Variants in FBXW11 observed in about 807,000 individuals in gnomAD.
FBXW11 encodes F-box and WD repeat domain containing 11.
In FBXW11, 19 loss-of-function variants were observed where a neutral mutation model predicts 77.6. The observed-to-expected ratio is 0.24, with a 90% CI of 0.17 to 0.36. The LOEUF is 0.36. Ranked by LOEUF, FBXW11 falls within the 10% of genes least tolerant of loss-of-function variation. FBXW11 has a pLI of 1.00. For missense variants in FBXW11, 334 were observed against 704.2 expected (o/e 0.47, Z 5.95); for synonymous variants, 235 against 249.4 (o/e 0.94, Z 0.54).
Position 171,878,899 on chromosome 5 carries a change from C to T in FBXW11, c.853-770G>A, listed in dbSNP as rs568119872. Among the ~76,000 whole-genome samples the T allele has an allele frequency of 6.6e-5, 10 of 152,094 alleles. No homozygotes were observed. The East Asian group carries it at 7.7e-4, about 12-fold the overall frequency. ...GAGGTTTTACAAATGCATACCCCTA[C>T]GTTTACAAAAACAAAAAGTGGAAAA... is the stretch of plus-strand genomic sequence containing the variant. On this transcript the variant is annotated intron_variant, in intron 7 of 13. Transcript: ENST00000517395.
At chr5:171,908,099 C>A (rs1760647499) in intron 4 of FBXW11, among the ~76,000 whole-genome samples, 1 of 151,986 alleles carries the variant, frequency 6.6e-6, no homozygotes, top group Admixed American at 6.6e-5. Flanking sequence ...ATACAATCAC[C>A]AACTTAAAAA....
At chr5:172,000,790 A>G (rs1179159453) in intron 1 of FBXW11, among the ~76,000 whole-genome samples, 1 of 152,206 alleles carries the variant, frequency 6.6e-6, no homozygotes, top group Non-Finnish European at 1.5e-5. Flanking sequence ...ATACTGCAGA[A>G]AGGTTACCTT....
chr5:171,897,813 GC>G (rs1759849448), intron 6 of FBXW11, among the ~76,000 whole-genome samples: 4 of 150,716 alleles, frequency 2.7e-5, no homozygotes, highest in Admixed American at 2.6e-4. Context: ...CATAAGAAAT[GC>G]CTTAGTACAA....
chr5:171,990,511 C>G (rs965081876), intron 1 of FBXW11, among the ~76,000 whole-genome samples: 3 of 152,158 alleles, frequency 2.0e-5, no homozygotes, highest in Admixed American at 6.5e-5. Flanking sequence ...AAGATACCTT[C>G]CATATGCACA....
At chr5:171,907,208 C>T (rs927054933) in intron 4 of FBXW11, among the ~76,000 whole-genome samples, 1 of 152,186 alleles carries the variant, frequency 6.6e-6, no homozygotes, top group Non-Finnish European at 1.5e-5. Context: ...AGACCACAAA[C>T]ATTTTCCATT....
intron 1 of FBXW11, among the ~76,000 whole-genome samples, chr5:172,000,373 G>C (rs1416388662): frequency 6.6e-6 from 1 of 152,144 alleles, no homozygotes; most frequent in Admixed American, 6.5e-5. Context: ...ATAAAAATAG[G>C]ACTGGGTGGG....
At chr5:171,925,956 T>G (rs565673265) in intron 2 of FBXW11, among the ~76,000 whole-genome samples, 1 of 152,274 alleles carries the variant, frequency 6.6e-6, no homozygotes, top group South Asian at 2.1e-4. Context: ...CTATTTTAAG[T>G]GGGAAAAAAG....
intron 6 of FBXW11, among the ~76,000 whole-genome samples, chr5:171,893,167 C>A (rs1201595222): frequency 6.6e-6 from 1 of 151,868 alleles, no homozygotes; most frequent in Non-Finnish European, 1.5e-5. Flanking sequence ...GCGATTATTT[C>A]CATCATTTGT....
chr5:171,928,547 G>T (rs1412302417), intron 2 of FBXW11, among the ~76,000 whole-genome samples: 1 of 152,214 alleles, frequency 6.6e-6, no homozygotes, highest in Non-Finnish European at 1.5e-5. Context: ...CTAGCATGAA[G>T]ACATATGTAT....
intron 4 of FBXW11, among the ~76,000 whole-genome samples, chr5:171,902,470 A>C (rs1322653366): frequency 6.6e-6 from 1 of 152,208 alleles, no homozygotes; most frequent in African/African-American, 2.4e-5. Flanking sequence ...TTCTGTATAC[A>C]TCCTTCTAGG....
At chr5:171,968,383 G>A (rs537566575) in intron 1 of FBXW11, among the ~76,000 whole-genome samples, 7 of 151,950 alleles carry the variant, frequency 4.6e-5, no homozygotes, top group East Asian at 3.9e-4. Flanking sequence ...GTGCGAACCC[G>A]GGAGGCGGAG....
At chr5:171,972,586 C>T (rs1327371356) in intron 1 of FBXW11, among the ~76,000 whole-genome samples, 1 of 150,726 alleles carries the variant, frequency 6.6e-6, no homozygotes, top group African/African-American at 2.4e-5. Flanking sequence ...ACTCTGTCAC[C>T]CAGGCTGGAG....
intron 1 of FBXW11, among the ~76,000 whole-genome samples, chr5:172,001,593 C>T (rs964546798): frequency 6.6e-6 from 1 of 152,188 alleles, no homozygotes. Context: ...AACTATATTA[C>T]AAGCCTGAAA....
intron 6 of FBXW11, among the ~76,000 whole-genome samples, chr5:171,893,096 T>C (rs924003133): frequency 6.6e-5 from 10 of 152,164 alleles, no homozygotes; most frequent in Non-Finnish European, 1.0e-4. Flanking sequence ...GGAATCATTG[T>C]TCGCATTTTA....
chr5:171,879,314 C>G (rs1035073067), intron 7 of FBXW11, among the ~76,000 whole-genome samples: 2 of 152,110 alleles, frequency 1.3e-5, no homozygotes, highest in African/African-American at 2.4e-5. Context: ...TGAAAATTAT[C>G]CCACTGTCTA....
At chr5:171,916,914 G>GA (rs983602134) in intron 2 of FBXW11, among the ~76,000 whole-genome samples, 1 of 151,922 alleles carries the variant, frequency 6.6e-6, no homozygotes, top group East Asian at 1.9e-4. Context: ...TTTTTGTGGG[G>GA]TTTTTTTGTT....
intron 2 of FBXW11, among the ~76,000 whole-genome samples, chr5:171,930,740 T>TAAAAAAAAAAAAAAAAAAAAAAAA (rs1365151810): frequency 2.1e-5 from 1 of 47,010 alleles, no homozygotes; most frequent in African/African-American, 8.3e-5. Flanking sequence ...AAATAAAAAA[T>TAAAAAAAAAAAAAAAAAAAAAAAA]AAAAAATAAA....
rs534965279 is a variant in FBXW11 at position 171,873,763 on chromosome 5, T to C, written c.1222-773A>G. Among the ~76,000 whole-genome samples the C allele has an allele frequency of 1.7e-4, 26 of 152,352 alleles. 1 individual carries two copies. In the South Asian group the frequency reaches 4.8e-3, roughly 28 times the overall value. On this transcript the variant is annotated intron_variant, in intron 9 of 13. Coordinates refer to ENST00000517395, the MANE Select transcript of FBXW11 (RefSeq NM_001378974.1). ...TATGTATGCAGAATAAATAATCCCC[T>C]CTTTTGTGGTATCTGACTTAGATGT...
intron 7 of FBXW11, among the ~76,000 whole-genome samples, chr5:171,889,749 A>T (rs987621648): frequency 4.0e-5 from 6 of 151,842 alleles, no homozygotes; most frequent in Non-Finnish European, 7.4e-5. Context: ...GTAGCTGGGC[A>T]TGGTGGCTCA....
Sources: gnomAD v4.1 joint callset for allele counts (sites outside exome capture counted in the v4.1 genomes callset) on GRCh38, gnomAD v4.1.1 for gene constraint, MANE v1.5 for transcripts, NCBI Gene and HGNC (gene_info 2026-07-23, HGNC 2026-07-21) for gene names.